CACNA1A: variants seen among roughly 807,000 people sequenced by gnomAD.
CACNA1A encodes the protein voltage-dependent P/Q-type calcium channel subunit alpha-1A.
CACNA1A carries 57 observed loss-of-function variants against 262.4 expected under a neutral mutation model. That is an observed-to-expected ratio of 0.22 (90% CI 0.18 to 0.27). The LOEUF (loss-of-function observed/expected upper bound fraction) is 0.27, where lower values mean the gene tolerates loss of function less well. CACNA1A is among the 10% of genes least tolerant of loss of function. The pLI is 1.00. For synonymous variants in CACNA1A, 1,431 were observed against 1,419.3 expected (o/e 1.01, Z -0.18); for missense variants, 2,526 against 3,562.8 (o/e 0.71, Z 7.41).
In CACNA1A at chr19:13,251,651, A is replaced by G. The variant is rs150078416; in HGVS notation, c.4866+1340T>C. ...CTGATGTTTATAAGTGACACAGGTCATGTTGATAATATTAAGGGTTGATAA... is the reference window on the plus strand; with the variant it reads ...CTGATGTTTATAAGTGACACAGGTCGTGTTGATAATATTAAGGGTTGATAA... On this transcript the variant is annotated intron_variant, in intron 30 of 46. Coordinates refer to ENST00000360228, the MANE Select transcript of CACNA1A (RefSeq NM_001127222.2). 6.1e-3 allele frequency among the ~76,000 whole-genome samples: 929 copies of G among 152,354 alleles called. 4 individuals carry two copies. Among genetic ancestry groups the G allele is most frequent in the Non-Finnish European group, 8.4e-3 (570 of 68,036 alleles).
At chr19:13,355,023 C>T (rs755130557) in intron 6 of CACNA1A, among the ~76,000 whole-genome samples, 7 of 151,934 alleles carry the variant, frequency 4.6e-5, no homozygotes, top group East Asian at 3.9e-4. Flanking sequence ...TACAGGCACC[C>T]GCCCACCACG....
chr19:13,249,119 C>T (rs2056328941), intron 30 of CACNA1A, among the ~76,000 whole-genome samples: 1 of 152,128 alleles, frequency 6.6e-6, no homozygotes, highest in East Asian at 1.9e-4. Flanking sequence ...TCATGTGCCA[C>T]TATGCTGGCT....
At chr19:13,372,430 C>T (rs2059340323) in intron 3 of CACNA1A, among the ~76,000 whole-genome samples, 1 of 152,150 alleles carries the variant, frequency 6.6e-6, no homozygotes, top group African/African-American at 2.4e-5. Context: ...CCTCGGCCTC[C>T]CAAAGTGCTG....
At chr19:13,242,112 G>A (rs1447485063) in intron 31 of CACNA1A, among the ~76,000 whole-genome samples, 1 of 152,048 alleles carries the variant, frequency 6.6e-6, no homozygotes, top group Non-Finnish European at 1.5e-5. Flanking sequence ...TGTCCCAGAA[G>A]GACCCAAACA....
At position 13,207,232 on chromosome 19, in the gene CACNA1A, C is replaced by A. The variant is rs1408675351; in HGVS notation, c.*81G>T. 5 of 1,386,988 alleles carry A rather than the reference C, an allele frequency of 3.6e-6. No individual in the cohort carries two copies. The South Asian group carries it at 7.3e-5, about 20-fold the overall frequency. The allele number at this position is 1,386,988 out of a possible 1,614,324, so 85.9% of individuals were successfully genotyped here. A position where few individuals can be genotyped will look rare whatever the true frequency, so the allele number is the denominator to read the frequency against. ...CTCCCGGGCCCTCTGTGCTGGGCCCCCGCGGCCTCTGCGCGGCTCCTCGGG... is the reference window on the plus strand; with the variant it reads ...CTCCCGGGCCCTCTGTGCTGGGCCCACGCGGCCTCTGCGCGGCTCCTCGGG... On this transcript the variant is annotated 3_prime_UTR_variant, in exon 47 of 47. Coordinates refer to ENST00000360228, the MANE Select transcript of CACNA1A (RefSeq NM_001127222.2). This position sits in a 1 kb window ranked among gnomAD's most constrained non-coding sequence, Gnocchi z 5.7.
intron 6 of CACNA1A, among the ~76,000 whole-genome samples, chr19:13,336,554 G>T (rs1294005209): frequency 1.5e-5 from 2 of 132,428 alleles, no homozygotes; most frequent in African/African-American, 2.7e-5. Flanking sequence ...AGGAGAGGAG[G>T]TTGGGGGGTG....
chr19:13,217,237 AG>A (rs1452426794), intron 38 of CACNA1A, among the ~76,000 whole-genome samples: 25 of 7,230 alleles, frequency 3.5e-3, no homozygotes, highest in African/African-American at 0.026. Context: ...GACAGGGAAG[AG>A]AGAGAGAGAG....
intron 1 of CACNA1A, among the ~76,000 whole-genome samples, chr19:13,498,526 G>A (rs1455042135): frequency 2.0e-5 from 3 of 151,992 alleles, no homozygotes; most frequent in Non-Finnish European, 4.4e-5. Flanking sequence ...TGCAGGTGCC[G>A]CCTGAGCAAC....
intron 3 of CACNA1A, among the ~76,000 whole-genome samples, chr19:13,438,794 A>G (rs2060658686): frequency 6.6e-6 from 1 of 152,250 alleles, no homozygotes; most frequent in South Asian, 2.1e-4. Flanking sequence ...AACTGATGCA[A>G]AGGAGCATAC....
At position 13,506,335 on chromosome 19, in the gene CACNA1A, G is replaced by T; in HGVS notation, c.-111C>A. ...GGCTGCCGGGGCTGGGAGCGCGGCG[G>T]CTGGAGCTACGACTGCGGAGACGCT... On this transcript the variant is annotated 5_prime_UTR_variant, in exon 1 of 47. Coordinates refer to ENST00000360228, the MANE Select transcript of CACNA1A (RefSeq NM_001127222.2). 9.5e-7 allele frequency: 1 copy of T among 1,050,526 alleles called. No homozygotes were observed. The highest frequency in any genetic ancestry group is 1.3e-6 in the Non-Finnish European group (1 of 783,810). The allele number at this position is 1,050,526 out of a possible 1,614,324, so 65.1% of individuals were successfully genotyped here.
intron 6 of CACNA1A, among the ~76,000 whole-genome samples, chr19:13,339,496 A>G (rs2058639196): frequency 6.6e-6 from 1 of 152,178 alleles, no homozygotes; most frequent in Non-Finnish European, 1.5e-5. Flanking sequence ...TAATTTCACG[A>G]AACTGTATCC....
At chr19:13,495,547 C>T (rs1212696682) in intron 1 of CACNA1A, among the ~76,000 whole-genome samples, 2 of 152,124 alleles carry the variant, frequency 1.3e-5, no homozygotes, top group Admixed American at 6.5e-5. Context: ...CTGCCTGCCT[C>T]GGCCTCCCAA....
chr19:13,432,758 G>A (rs1347558435), intron 3 of CACNA1A, among the ~76,000 whole-genome samples: 3 of 151,538 alleles, frequency 2.0e-5, no homozygotes, highest in East Asian at 1.9e-4. Context: ...ATAAGTATGC[G>A]ATGTAGTGGA....
chr19:13,376,830 C>CATGTTATATGTGATATATAACACAT (rs1360999744), intron 3 of CACNA1A, among the ~76,000 whole-genome samples: 7 of 80,264 alleles, frequency 8.7e-5, no homozygotes, highest in East Asian at 2.6e-4. Context: ...ATATATAACA[C>CATGTTATATGTGATATATAACACAT]ATGTTATATG....
chr19:13,328,513 G>A (rs989828941), intron 10 of CACNA1A, among the ~76,000 whole-genome samples: 10 of 152,120 alleles, frequency 6.6e-5, no homozygotes, highest in African/African-American at 1.7e-4. Flanking sequence ...TGCATACTTG[G>A]CAGGTTTATA....
In CACNA1A at chr19:13,413,987, G is replaced by C. The variant is rs189068897; in HGVS notation, c.539+38889C>G. 2.7e-3 allele frequency among the ~76,000 whole-genome samples: 415 copies of C among 151,968 alleles called. 4 individuals carry two copies. Among genetic ancestry groups the C allele is most frequent in the Non-Finnish European group, 4.6e-3 (310 of 67,978 alleles). ...GGGAAAGGAAATAAAAGAAAAGAAA[G>C]GAAGGATGGAAGAGTGGAAGGTGAG... is the stretch of plus-strand genomic sequence containing the variant. On this transcript the variant is annotated intron_variant, in intron 3 of 46. Coordinates refer to ENST00000360228, the MANE Select transcript of CACNA1A (RefSeq NM_001127222.2).
chr19:13,441,132 C>T lies in CACNA1A; in HGVS notation c.539+11744G>A, dbSNP rs1037611861. On this transcript the variant is annotated intron_variant, in intron 3 of 46. Transcript: ENST00000360228. ...CCCACCAAGTCAGGGGATGCTACTA[C>T]TCTCATTTTCCAGATGAAGAAATGG... 7.2e-5 allele frequency among the ~76,000 whole-genome samples: 11 copies of T among 152,248 alleles called. No homozygotes were observed. The East Asian group carries it at 1.2e-3, about 16-fold the overall frequency.
intron 30 of CACNA1A, among the ~76,000 whole-genome samples, chr19:13,246,154 A>T (rs918115665): frequency 2.0e-5 from 3 of 152,188 alleles, no homozygotes; most frequent in African/African-American, 7.2e-5. Context: ...CTCTGCTACC[A>T]CAGCTGTGTG....
At chr19:13,482,460 G>T (rs1979441315) in intron 1 of CACNA1A, among the ~76,000 whole-genome samples, 1 of 150,202 alleles carries the variant, frequency 6.7e-6, no homozygotes, top group African/African-American at 2.5e-5. Context: ...TCCCGCTTGG[G>T]TGACAGAGTG....
Sources: allele counts gnomAD v4.1 joint callset (sites outside exome capture counted in the v4.1 genomes callset), GRCh38; gene constraint gnomAD v4.1.1; non-coding constraint Gnocchi (gnomAD v3.1); transcripts MANE v1.5; gene names NCBI Gene and HGNC (gene_info 2026-07-23, HGNC 2026-07-21).